DLG2: variants seen among roughly 807,000 people sequenced by gnomAD.
DLG2 encodes discs large MAGUK scaffold protein 2.
DLG2 carries 45 observed loss-of-function variants against 132.5 expected under a neutral mutation model. That is an observed-to-expected ratio of 0.34 (90% CI 0.27 to 0.44). The LOEUF (loss-of-function observed/expected upper bound fraction) is 0.44, where lower values mean the gene tolerates loss of function less well. Among genes scored for constraint, DLG2 ranks in the 20% least tolerant of loss-of-function variants. The pLI is 1.00. For synonymous variants in DLG2, 424 were observed against 419.6 expected, an observed-to-expected ratio of 1.01 and a Z score of -0.13; for missense variants, 1,045 against 1,196.9, an observed-to-expected ratio of 0.87 and a Z score of 1.87.
At chr11:84,063,973 GGCT>G (rs1391100480) in intron 10 of DLG2, among the ~76,000 whole-genome samples, 1 of 151,562 alleles carries the variant, frequency 6.6e-6, no homozygotes, top group African/African-American at 2.4e-5. Context: ...TGGGGTGGGG[GGCT>G]GGGGGAGGGA....
chr11:84,480,492 T>A (rs1363402952), intron 7 of DLG2, among the ~76,000 whole-genome samples: 1 of 151,996 alleles, frequency 6.6e-6, no homozygotes, highest in Non-Finnish European at 1.5e-5. Flanking sequence ...CTTCACAGAA[T>A]ATGGAATCTA....
intron 5 of DLG2, among the ~76,000 whole-genome samples, chr11:85,146,227 C>CTCTCTCTCTCTCTCTCTCTCTCTCTCT (rs1555384682): frequency 3.9e-5 from 5 of 129,108 alleles, no homozygotes; most frequent in African/African-American, 1.5e-4. Context: ...TCTGTTTCTC[C>CTCTCTCTCTCTCTCTCTCTCTCTCTCT]CTCTCTCTCT....
At chr11:84,464,406 T>C (rs952935948) in intron 7 of DLG2, among the ~76,000 whole-genome samples, 1 of 151,200 alleles carries the variant, frequency 6.6e-6, no homozygotes, top group Non-Finnish European at 1.5e-5. Context: ...GTACTAACCC[T>C]AGCTTTGTAA....
In DLG2 at chr11:83,724,476, T is replaced by TGTGAGA. The variant is rs762050933; in HGVS notation, c.1825+62213_1825+62214insTCTCAC. Among the ~76,000 whole-genome samples, 963 of 118,172 alleles carry TGTGAGA rather than the reference T, an allele frequency of 8.1e-3. 5 individuals carry two copies. Among genetic ancestry groups the TGTGAGA allele is most frequent in the Middle Eastern group, 0.024 (5 of 208 alleles). 77.5% of individuals were successfully genotyped at this position (118,172 alleles called of 152,430 possible). ...CTCTCTCCGTGTGTGTGTGTGTGTGTGAGAGAGAGAGAGAGAGAGAGAGAG... is the reference window on the plus strand; with the variant it reads ...CTCTCTCCGTGTGTGTGTGTGTGTGTGTGAGAGAGAGAGAGAGAGAGAGAGAGAGAG... On this transcript the variant is annotated intron_variant, in intron 18 of 27. Coordinates refer to ENST00000376104, the MANE Select transcript of DLG2 (RefSeq NM_001142699.3).
chr11:83,586,507 A>C (rs1287808827), intron 19 of DLG2, among the ~76,000 whole-genome samples: 1 of 152,228 alleles, frequency 6.6e-6, no homozygotes, highest in Non-Finnish European at 1.5e-5. Context: ...AACTGTGTCT[A>C]TAAAATATCA....
chr11:83,669,633 T>C (rs1286810819), intron 18 of DLG2, among the ~76,000 whole-genome samples: 6 of 152,330 alleles, frequency 3.9e-5, no homozygotes, highest in Admixed American at 1.3e-4. Flanking sequence ...TATTTTCATG[T>C]TGATTGCTAT....
At chr11:85,208,063 G>A (rs1424687317) in intron 4 of DLG2, among the ~76,000 whole-genome samples, 5 of 152,020 alleles carry the variant, frequency 3.3e-5, no homozygotes, top group Non-Finnish European at 7.4e-5. Flanking sequence ...ACTGTGGACA[G>A]ACATTATATT....
At chr11:84,690,227 A>G (rs1390475553) in intron 6 of DLG2, among the ~76,000 whole-genome samples, 2 of 151,944 alleles carry the variant, frequency 1.3e-5, no homozygotes, top group Admixed American at 1.3e-4. Flanking sequence ...ACTACATGGT[A>G]GTCATAATTA....
chr11:85,594,490 C>T (rs2079588132), intron 3 of DLG2, among the ~76,000 whole-genome samples: 1 of 152,138 alleles, frequency 6.6e-6, no homozygotes, highest in Middle Eastern at 3.2e-3. Flanking sequence ...CCCCCTCACA[C>T]ACTGGGAAGA....
intron 4 of DLG2, among the ~76,000 whole-genome samples, chr11:85,279,206 G>C (rs1366999791): frequency 2.0e-5 from 3 of 152,136 alleles, no homozygotes; most frequent in Non-Finnish European, 4.4e-5. Flanking sequence ...AGATAGCCGG[G>C]CAGAGCTGAA....
intron 7 of DLG2, among the ~76,000 whole-genome samples, chr11:84,253,738 TTATCAC>T (rs2097422361): frequency 6.6e-6 from 1 of 152,214 alleles, no homozygotes; most frequent in Non-Finnish European, 1.5e-5. Context: ...TGAGGCATTA[TTATCAC>T]TATTTCTATG....
intron 5 of DLG2, among the ~76,000 whole-genome samples, chr11:85,126,798 A>G (rs935696148): frequency 2.0e-5 from 3 of 152,226 alleles, no homozygotes; most frequent in East Asian, 1.9e-4. Context: ...CCTACTCCCT[A>G]CAAGGTAATA....
intron 16 of DLG2, among the ~76,000 whole-genome samples, chr11:83,866,409 C>A (rs1700416556): frequency 6.6e-6 from 1 of 152,086 alleles, no homozygotes; most frequent in African/African-American, 2.4e-5. Flanking sequence ...ATTTTCATAA[C>A]AGACTTATGA....
At chr11:84,883,212 G>GA (rs1347764309) in intron 6 of DLG2, among the ~76,000 whole-genome samples, 1 of 151,856 alleles carries the variant, frequency 6.6e-6, no homozygotes, top group African/African-American at 2.4e-5. Flanking sequence ...CACAGGAACA[G>GA]AAAACCAAAC....
intron 4 of DLG2, among the ~76,000 whole-genome samples, chr11:85,162,326 C>T (rs1485187564): frequency 6.6e-6 from 1 of 152,150 alleles, no homozygotes; most frequent in Non-Finnish European, 1.5e-5. Flanking sequence ...CTACAAATGG[C>T]TCAGACCCTT....
intron 6 of DLG2, chr11:85,021,039 A>G (rs2060020433): frequency 2.6e-6 from 2 of 772,790 alleles, no homozygotes; most frequent in Admixed American, 1.7e-5. Flanking sequence ...TTCCTTTTCA[A>G]TTTCTTCCAG....
At chr11:85,464,841 G>A (rs941839767) in intron 3 of DLG2, among the ~76,000 whole-genome samples, 3 of 151,638 alleles carry the variant, frequency 2.0e-5, no homozygotes, top group Admixed American at 6.6e-5. Flanking sequence ...TTGGGAGGCC[G>A]AGGCAGGTGA....
intron 6 of DLG2, among the ~76,000 whole-genome samples, chr11:84,829,166 C>G (rs1477886722): frequency 6.6e-6 from 1 of 151,710 alleles, no homozygotes; most frequent in African/African-American, 2.4e-5. Flanking sequence ...CAAATAATCA[C>G]TGTCCTTCTT....
chr11:84,236,520 T>C (rs991049956), intron 8 of DLG2, among the ~76,000 whole-genome samples: 3 of 152,254 alleles, frequency 2.0e-5, no homozygotes, highest in African/African-American at 7.2e-5. Flanking sequence ...GCACAGGCCA[T>C]GACTCCTTTT....
Sources: allele counts gnomAD v4.1 joint callset (sites outside exome capture counted in the v4.1 genomes callset), GRCh38; gene constraint gnomAD v4.1.1; transcripts MANE v1.5; gene names NCBI Gene and HGNC (gene_info 2026-07-23, HGNC 2026-07-21).